RAB11FIP3: variants seen among roughly 807,000 people sequenced by gnomAD.
RAB11FIP3 encodes the protein RAB11 family interacting protein 3, also known as rab11 family-interacting protein 3.
A neutral mutation model predicts 77.8 loss-of-function variants in RAB11FIP3; 17 were observed. The observed-to-expected ratio is 0.22, with a 90% CI of 0.15 to 0.33. The LOEUF is 0.33. RAB11FIP3 is among the 10% of genes least tolerant of loss of function. The probability of loss-of-function intolerance (pLI) is 1.00; values close to 1 mark genes in which losing one functional copy is unlikely to be tolerated. For missense variants in RAB11FIP3, 1,005 were observed against 1,011.2 expected (o/e 0.99, Z 0.08); for synonymous variants, 437 against 448.2 (o/e 0.98, Z 0.31).
At chr16:519,206 G>C in intron 10 of RAB11FIP3, 182 bp downstream of exon 10, 1 of 627,816 alleles carries the variant, frequency 1.6e-6, no homozygotes, top group Non-Finnish European at 2.8e-6. Context: ...CACAGGAGCA[G>C]GGCCCAGAGG....
At chr16:495,342 G>A (rs1009650783) in intron 5 of RAB11FIP3, among the ~76,000 whole-genome samples, 1 of 152,206 alleles carries the variant, frequency 6.6e-6, no homozygotes, top group African/African-American at 2.4e-5. Context: ...CAAACGGCGT[G>A]GTGGGGACAC....
Position 520,203 on chromosome 16 carries a change from A to G in RAB11FIP3, c.1942A>G (p.Ser648Gly), listed in dbSNP as rs1450203469. Residue 648 changes from serine to glycine, a missense_variant, in exon 12 of 14, where the codon AGC becomes GGC. Around this residue, in one of 4 missense-constraint regions of RAB11FIP3, gnomAD observed 433 missense variants for 436.1 expected, o/e 0.99. Coordinates refer to ENST00000262305, the MANE Select transcript of RAB11FIP3 (RefSeq NM_014700.4). ...CGAGCAGCGGCGGGGCCGCAGCAGCAGCATGGGCCTGCAGGAGTACCACAG... is the reference window on the plus strand; with the variant it reads ...CGAGCAGCGGCGGGGCCGCAGCAGCGGCATGGGCCTGCAGGAGTACCACAG... ...EAEQRRGRSSSMGLQEYHSRA... is the reference protein window; with the variant it reads ...EAEQRRGRSSGMGLQEYHSRA... 2 of 1,545,614 alleles carry G rather than the reference A, an allele frequency of 1.3e-6. No homozygotes were observed. The highest frequency in any genetic ancestry group is 1.7e-6 in the Non-Finnish European group (2 of 1,147,804).
At chr16:440,964 G>A (rs1308013059) in intron 1 of RAB11FIP3, among the ~76,000 whole-genome samples, 1 of 151,476 alleles carries the variant, frequency 6.6e-6, no homozygotes, top group African/African-American at 2.4e-5. Context: ...TTATTGAGAC[G>A]GAGTCTCGCT....
chr16:425,830 T>A lies in RAB11FIP3; in HGVS notation c.-177T>A. ...GCCGCGCCGCCGGGCCGAGGGCAGC[T>A]GAGGCGCGGTGCGAAGATGGGCGAG... is the stretch of plus-strand genomic sequence containing the variant. On this transcript the variant is annotated 5_prime_UTR_variant, in exon 1 of 14. The change abolishes the stop of an existing upstream ORF in the 5' untranslated region. Coordinates refer to ENST00000262305, the MANE Select transcript of RAB11FIP3 (RefSeq NM_014700.4). 3.3e-6 allele frequency: 1 copy of A among 302,898 alleles called. No individual in the cohort carries two copies. The allele number at this position is 302,898 out of a possible 1,614,324, so 18.8% of individuals were successfully genotyped here.
intron 6 of RAB11FIP3, chr16:497,299 T>C (rs929375822): frequency 7.7e-6 from 10 of 1,304,280 alleles, no homozygotes; most frequent in African/African-American, 4.6e-5. Context: ...CAGCTTCGTA[T>C]AGATCTGTTG....
intron 10 of RAB11FIP3, 142 bp downstream of exon 10, chr16:519,166 C>A: frequency 1.2e-6 from 1 of 841,206 alleles, no homozygotes; most frequent in Non-Finnish European, 1.9e-6. Flanking sequence ...AGGGCCCAGG[C>A]CGCTGGAAGA....
At chr16:469,760 A>C (rs2055777003) in intron 2 of RAB11FIP3, among the ~76,000 whole-genome samples, 1 of 152,092 alleles carries the variant, frequency 6.6e-6, no homozygotes, top group Non-Finnish European at 1.5e-5. Context: ...CCTGGACTTA[A>C]GCAATCCTCT....
At chr16:441,858 A>T (rs1254784872) in intron 1 of RAB11FIP3, among the ~76,000 whole-genome samples, 2 of 152,210 alleles carry the variant, frequency 1.3e-5, no homozygotes, top group East Asian at 3.8e-4. Context: ...GTTTGTTTTG[A>T]GACGGAGTCT....
At chr16:452,409 G>A (rs2055423750) in intron 1 of RAB11FIP3, 2 of 152,022 alleles carry the variant, frequency 1.3e-5, no homozygotes, top group African/African-American at 2.4e-5. Context: ...CTACTGATAG[G>A]TGGACACATC....
intron 11 of RAB11FIP3, 51 bp downstream of exon 11, chr16:519,942 G>A (rs1188034315): frequency 5.2e-6 from 8 of 1,533,332 alleles, no homozygotes; most frequent in East Asian, 2.4e-5. Flanking sequence ...CCTGCCCCAC[G>A]GGGAGCCTTT....
At chr16:474,609 G>T (rs924567613) in intron 3 of RAB11FIP3, among the ~76,000 whole-genome samples, 1 of 152,096 alleles carries the variant, frequency 6.6e-6, no homozygotes, top group African/African-American at 2.4e-5. Flanking sequence ...TCACAGAATC[G>T]TCGGGCCGCG....
At chr16:430,274 G>C (rs944127104) in intron 1 of RAB11FIP3, among the ~76,000 whole-genome samples, 1 of 152,130 alleles carries the variant, frequency 6.6e-6, no homozygotes, top group African/African-American at 2.4e-5. Flanking sequence ...TAAATTCTAA[G>C]AGTGTTGTGA....
intron 3 of RAB11FIP3, among the ~76,000 whole-genome samples, chr16:473,828 G>A (rs2055852407): frequency 6.6e-6 from 1 of 152,108 alleles, no homozygotes; most frequent in Non-Finnish European, 1.5e-5. Context: ...CGATTATAGT[G>A]TCACAGAGTC....
intron 1 of RAB11FIP3, among the ~76,000 whole-genome samples, chr16:429,084 G>T (rs1379750147): frequency 1.3e-5 from 2 of 152,198 alleles, no homozygotes; most frequent in East Asian, 3.9e-4. Flanking sequence ...GGATGGAGGA[G>T]AGCTCTTGAT....
At chr16:496,699 C>G (rs966299726) in intron 5 of RAB11FIP3, 125 bp from the exon 6 acceptor site, 3 of 922,136 alleles carry the variant, frequency 3.3e-6, no homozygotes, top group Non-Finnish European at 5.2e-6. Flanking sequence ...CTGGGGGGCC[C>G]TGCATGCCGG....
chr16:456,034 A>G (rs537612094), intron 1 of RAB11FIP3, among the ~76,000 whole-genome samples: 1 of 152,332 alleles, frequency 6.6e-6, no homozygotes, highest in African/African-American at 2.4e-5. Flanking sequence ...AGATATTAGT[A>G]TCAAGAATTA....
rs771390143 is a variant in RAB11FIP3 at position 519,957 on chromosome 16, C to T, written c.1860+66C>T. 251 of 1,527,790 alleles carry T rather than the reference C, an allele frequency of 1.6e-4. No homozygotes were observed. In the Middle Eastern group the frequency reaches 2.8e-3, roughly 17 times the overall value. 94.6% of individuals were successfully genotyped at this position (1,527,790 alleles called of 1,614,324 possible). A position where few individuals can be genotyped will look rare whatever the true frequency, so the allele number is the denominator to read the frequency against. On this transcript the variant is annotated intron_variant, in intron 11 of 13. Coordinates refer to ENST00000262305, the MANE Select transcript of RAB11FIP3 (RefSeq NM_014700.4). ...CCTGCCCCACGGGGAGCCTTTGTTT[C>T]CTGAGACGCTAGCTCTTGGCTGTGC...
At position 471,512 on chromosome 16, in the gene RAB11FIP3, T is replaced by A; in HGVS notation, c.903+123T>A. The A allele has an allele frequency of 1.2e-6, 1 of 822,806 alleles. No homozygotes were observed. The highest frequency in any genetic ancestry group is 1.6e-5 in the South Asian group (1 of 64,460). The allele number at this position is 822,806 out of a possible 1,614,324, so 51.0% of individuals were successfully genotyped here. A position where few individuals can be genotyped will look rare whatever the true frequency, so the allele number is the denominator to read the frequency against. On this transcript the variant is annotated intron_variant, in intron 3 of 13. Coordinates refer to ENST00000262305, the MANE Select transcript of RAB11FIP3 (RefSeq NM_014700.4). This position sits in a 1 kb window ranked among gnomAD's most constrained non-coding sequence, Gnocchi z 4.4. ...TAGAAGCTGGCGTGAAGGAAGGGCC[T>A]CCCGCCCTGTGTGCACCGTGGGGCT...
Position 461,355 on chromosome 16 carries a change from C to A in RAB11FIP3, c.715-49C>A, listed in dbSNP as rs1443386769. The A allele has an allele frequency of 2.7e-6, 4 of 1,495,890 alleles. No homozygotes were observed. Among genetic ancestry groups the A allele is most frequent in the African/African-American group, 2.8e-5 (2 of 71,636 alleles). 92.7% of individuals were successfully genotyped at this position (1,495,890 alleles called of 1,614,324 possible). On this transcript the variant is annotated intron_variant, in intron 1 of 13. Transcript: ENST00000262305. The surrounding 1 kb of genome is among the most constrained non-coding windows in gnomAD (Gnocchi z 4.5). ...CCAGTCCGAGGTCCAGGGTTGGGGA[C>A]CCCTGCTGTAAAGGCTTAGGGTAAC...
Sources: allele counts gnomAD v4.1 joint callset (sites outside exome capture counted in the v4.1 genomes callset), GRCh38; gene constraint gnomAD v4.1.1; regional missense constraint gnomAD v4.1.1; non-coding constraint Gnocchi (gnomAD v3.1); transcripts MANE v1.5; gene names NCBI Gene and HGNC (gene_info 2026-07-23, HGNC 2026-07-21).